Variants in NUDT5 observed in about 807,000 individuals in gnomAD.
NUDT5 encodes the protein ADP-sugar pyrophosphatase.
NUDT5 carries 21 observed loss-of-function variants against 34.1 expected under a neutral mutation model. The observed-to-expected ratio is 0.62, with a 90% CI of 0.44 to 0.89. The LOEUF is 0.89. NUDT5 is among the 40% of genes least tolerant of loss of function. The probability of loss-of-function intolerance (pLI) is 0.00; values close to 1 mark genes in which losing one functional copy is unlikely to be tolerated. For missense variants in NUDT5, 249 were observed against 274.8 expected, an observed-to-expected ratio of 0.91 and a Z score of 0.66; for synonymous variants, 85 against 97.6, an observed-to-expected ratio of 0.87 and a Z score of 0.76.
At chr10:12,191,667 G>A (rs537310250) in intron 1 of NUDT5, among the ~76,000 whole-genome samples, 25 of 152,138 alleles carry the variant, frequency 1.6e-4, no homozygotes, top group Non-Finnish European at 3.5e-4. Flanking sequence ...TGGGAGGATC[G>A]CTTGAGCTGA....
intron 1 of NUDT5, among the ~76,000 whole-genome samples, chr10:12,190,200 T>C (rs1200451420): frequency 1.3e-5 from 2 of 152,226 alleles, no homozygotes; most frequent in Non-Finnish European, 2.9e-5. Context: ...TGTTCTACAA[T>C]TTCATTTATG....
intron 5 of NUDT5, among the ~76,000 whole-genome samples, chr10:12,176,559 G>C (rs560113241): frequency 2.7e-5 from 4 of 149,834 alleles, no homozygotes; most frequent in East Asian, 4.1e-4. Context: ...AGCTGAGATC[G>C]TGCCACTGCA....
intron 5 of NUDT5, among the ~76,000 whole-genome samples, chr10:12,176,502 G>A (rs1240097901): frequency 6.6e-6 from 1 of 151,866 alleles, no homozygotes; most frequent in Non-Finnish European, 1.5e-5. Context: ...TACTCAGGAA[G>A]CTGAGGCAGG....
At chr10:12,186,691 G>A (rs569495333) in intron 1 of NUDT5, among the ~76,000 whole-genome samples, 72 of 149,690 alleles carry the variant, frequency 4.8e-4, no homozygotes, top group African/African-American at 1.6e-3. Flanking sequence ...GCAATGGCGC[G>A]ATCTCAGCTC....
intron 1 of NUDT5, among the ~76,000 whole-genome samples, chr10:12,193,198 C>T (rs923901592): frequency 1.3e-5 from 2 of 152,120 alleles, no homozygotes; most frequent in African/African-American, 4.8e-5. Flanking sequence ...GAGTGGTAGC[C>T]GTGGCAAAGT....
At position 12,181,229 on chromosome 10, in the gene NUDT5, T is replaced by G. The variant is rs1474749126; in HGVS notation, c.132-2097A>C. 6.6e-6 allele frequency among the ~76,000 whole-genome samples: 1 copy of G among 152,204 alleles called. No individual in the cohort carries two copies. Among genetic ancestry groups the G allele is most frequent in the African/African-American group, 2.4e-5 (1 of 41,446 alleles). On this transcript the variant is annotated intron_variant, in intron 3 of 9. Transcript: ENST00000491614. This position sits in a 1 kb window ranked among gnomAD's most constrained non-coding sequence, Gnocchi z 5.0. ...GCATTGTATTAGGTGCTGTGATTAC[T>G]CTAGAGATGAAGTGCGTGGGAGGAT... is the stretch of plus-strand genomic sequence containing the variant.
Position 12,179,151 on chromosome 10 carries a change from A to G in NUDT5, c.132-19T>C, listed in dbSNP as rs1275016351. 6.2e-7 allele frequency: 1 copy of G among 1,609,862 alleles called. No individual in the cohort carries two copies. The highest frequency in any genetic ancestry group is 1.3e-5 in the African/African-American group (1 of 74,672). ...CCAAGTTCTGTTCAGGCAGAGAAGA[A>G]AAAAAAGTCATTAGTGCTACAGAAG... On this transcript the variant is annotated intron_variant, in intron 3 of 9. Transcript: ENST00000491614.
At chr10:12,195,525 T>C (rs1835322061) in intron 1 of NUDT5, among the ~76,000 whole-genome samples, 1 of 152,218 alleles carries the variant, frequency 6.6e-6, no homozygotes, top group Admixed American at 6.5e-5. Flanking sequence ...ATCTTTACAC[T>C]GGAACTAACA....
Position 12,173,113 on chromosome 10 carries a change from T to C in NUDT5, c.386-247A>G, listed in dbSNP as rs1588655466. Among the ~76,000 whole-genome samples, 1 of 152,344 alleles carries C rather than the reference T, an allele frequency of 6.6e-6. No individual in the cohort carries two copies. The highest frequency in any genetic ancestry group is 1.5e-5 in the Non-Finnish European group (1 of 68,032). On this transcript the variant is annotated intron_variant, in intron 6 of 9. Transcript: ENST00000491614. This position sits in a 1 kb window ranked among gnomAD's most constrained non-coding sequence, Gnocchi z 4.7. ...TGGTACTGTCAAGTCATAAAATCCC[T>C]TCACCACATCAAACTCAAAAAAATC...
rs1265291048 is a variant in NUDT5 at position 12,181,207 on chromosome 10, T to C, written c.132-2075A>G. Among the ~76,000 whole-genome samples the C allele has an allele frequency of 6.6e-6, 1 of 152,180 alleles. No individual in the cohort carries two copies. Among genetic ancestry groups the C allele is most frequent in the African/African-American group, 2.4e-5 (1 of 41,454 alleles). The stretch of plus-strand genomic sequence containing the variant: ...TACGACTGTTGACACAGCATTTGCA[T>C]TGTATTAGGTGCTGTGATTACTCTA... On this transcript the variant is annotated intron_variant, in intron 3 of 9. Coordinates refer to ENST00000491614, the MANE Select transcript of NUDT5 (RefSeq NM_014142.4). This position sits in a 1 kb window ranked among gnomAD's most constrained non-coding sequence, Gnocchi z 5.0.
Position 12,179,149 on chromosome 10 carries a change from G to GA in NUDT5, c.132-18dup, listed in dbSNP as rs745714717. 7 of 1,603,674 alleles carry GA rather than the reference G, an allele frequency of 4.4e-6. No individual in the cohort carries two copies. The highest frequency in any genetic ancestry group is 1.7e-5 in the Admixed American group (1 of 57,174). On this transcript the variant is annotated splice_polypyrimidine_tract_variant and intron_variant, in intron 3 of 9. Transcript: ENST00000491614. ...TCCCAAGTTCTGTTCAGGCAGAGAA[G>GA]AAAAAAAAGTCATTAGTGCTACAGA... is the stretch of plus-strand genomic sequence containing the variant.
chr10:12,175,147 C>G lies in NUDT5; in HGVS notation c.290-1334G>C, dbSNP rs1056734738. On this transcript the variant is annotated intron_variant, in intron 5 of 9. Transcript: ENST00000491614. This position sits in a 1 kb window ranked among gnomAD's most constrained non-coding sequence, Gnocchi z 4.8. ...CCAGCCTGGCCAACATGGTGAAACC[C>G]TGTCTCCACTAAAAATACAAAAAAT... Among the ~76,000 whole-genome samples the G allele has an allele frequency of 6.6e-6, 1 of 151,804 alleles. No individual in the cohort carries two copies. Among genetic ancestry groups the G allele is most frequent in the Admixed American group, 6.6e-5 (1 of 15,240 alleles).
chr10:12,193,022 G>A (rs1177578554), intron 1 of NUDT5, among the ~76,000 whole-genome samples: 9 of 151,508 alleles, frequency 5.9e-5, no homozygotes, highest in Non-Finnish European at 2.9e-5. Context: ...ATGCTACTTG[G>A]TGATCTCCAG....
At chr10:12,188,810 G>C (rs1379235932) in intron 1 of NUDT5, among the ~76,000 whole-genome samples, 1 of 151,126 alleles carries the variant, frequency 6.6e-6, no homozygotes, top group Non-Finnish European at 1.5e-5. Context: ...CCAGTGAGGA[G>C]AAAGGAAAAA....
rs1298286976 is a variant in NUDT5 at position 12,182,849 on chromosome 10, G to A, written c.131+2040C>T. 1.3e-5 allele frequency among the ~76,000 whole-genome samples: 2 copies of A among 152,196 alleles called. No individual in the cohort carries two copies. The highest frequency in any genetic ancestry group is 4.8e-5 in the African/African-American group (2 of 41,446). On this transcript the variant is annotated intron_variant, in intron 3 of 9. Coordinates refer to ENST00000491614, the MANE Select transcript of NUDT5 (RefSeq NM_014142.4). This position sits in a 1 kb window ranked among gnomAD's most constrained non-coding sequence, Gnocchi z 4.3. ...CCTCCCGGGCTCAAGCAATTCTCCTGTCTCAGCCTCCGGGGTAGCTGGGAT... is the reference window on the plus strand; with the variant it reads ...CCTCCCGGGCTCAAGCAATTCTCCTATCTCAGCCTCCGGGGTAGCTGGGAT...
At chr10:12,172,575 T>C (rs931501939) in intron 7 of NUDT5, 190 bp downstream of exon 7, 1 of 597,196 alleles carries the variant, frequency 1.7e-6, no homozygotes, top group African/African-American at 1.9e-5. Context: ...AGCGTAAAGA[T>C]GAATGAAGTG....
Position 12,170,691 on chromosome 10 carries a change from T to C in NUDT5, c.550+26A>G, listed in dbSNP as rs922575854. ...TGGGGACGGGGAGAACTGGAGAAACTGGGTGGCGGTCTGGAGAATGCTTAC... is the reference window on the plus strand; with the variant it reads ...TGGGGACGGGGAGAACTGGAGAAACCGGGTGGCGGTCTGGAGAATGCTTAC... On this transcript the variant is annotated intron_variant, in intron 9 of 9. Coordinates refer to ENST00000491614, the MANE Select transcript of NUDT5 (RefSeq NM_014142.4). This position sits in a 1 kb window ranked among gnomAD's most constrained non-coding sequence, Gnocchi z 4.9. The C allele has an allele frequency of 1.9e-6, 3 of 1,611,040 alleles. No individual in the cohort carries two copies. The highest frequency in any genetic ancestry group is 2.7e-5 in the African/African-American group (2 of 74,876).
intron 1 of NUDT5, among the ~76,000 whole-genome samples, chr10:12,193,335 C>A (rs1431502656): frequency 1.3e-5 from 2 of 152,060 alleles, no homozygotes; most frequent in Non-Finnish European, 2.9e-5. Context: ...TGAAGAAAAC[C>A]AGCAGACAGG....
intron 9 of NUDT5, 154 bp from the exon 10 acceptor site, chr10:12,167,965 G>C: frequency 7.5e-7 from 1 of 1,339,466 alleles, no homozygotes; most frequent in Non-Finnish European, 9.7e-7. Context: ...GGATCTTAAA[G>C]AATAAAGACT....
Sources: allele counts gnomAD v4.1 joint callset (sites outside exome capture counted in the v4.1 genomes callset), GRCh38; gene constraint gnomAD v4.1.1; non-coding constraint Gnocchi (gnomAD v3.1); transcripts MANE v1.5; gene names NCBI Gene and HGNC (gene_info 2026-07-23, HGNC 2026-07-21).